The following ROBO2 variants were observed in gnomAD, a reference collection of about 807,000 sequenced individuals.
ROBO2 encodes the protein roundabout homolog 2.
In ROBO2, 53 loss-of-function variants were observed where a neutral mutation model predicts 160.8. The ratio of observed to expected loss-of-function variants is 0.33; its 90% CI spans 0.26 to 0.41. The LOEUF is 0.41. Among genes scored for constraint, ROBO2 ranks in the 10% least tolerant of loss-of-function variants. ROBO2 has a pLI of 1.00. For synonymous variants in ROBO2, 664 were observed against 611.7 expected (o/e 1.09, Z -1.26); for missense variants, 1,577 against 1,722.4 (o/e 0.92, Z 1.49).
intron 2 of ROBO2, among the ~76,000 whole-genome samples, chr3:76,969,877 A>G (rs569219485): frequency 1.3e-4 from 20 of 152,146 alleles, no homozygotes; most frequent in African/African-American, 4.3e-4. Context: ...GAATGTTTTT[A>G]AAGCAGACAA....
intron 2 of ROBO2, among the ~76,000 whole-genome samples, chr3:76,046,308 C>T (rs904946512): frequency 1.3e-5 from 2 of 151,928 alleles, no homozygotes; most frequent in African/African-American, 2.4e-5. Context: ...GCCATCCATT[C>T]TGCCATGTAA....
At chr3:77,380,812 C>T (rs2073352956) in intron 2 of ROBO2, among the ~76,000 whole-genome samples, 1 of 151,766 alleles carries the variant, frequency 6.6e-6, no homozygotes, top group South Asian at 2.1e-4. Context: ...TTATTTCTCT[C>T]CGCTGATTAG....
intron 2 of ROBO2, among the ~76,000 whole-genome samples, chr3:76,928,935 A>G (rs1407005651): frequency 1.3e-5 from 2 of 152,088 alleles, no homozygotes; most frequent in Admixed American, 1.3e-4. Flanking sequence ...GTTGCTCAGT[A>G]CTCACAGATG....
intron 2 of ROBO2, among the ~76,000 whole-genome samples, chr3:77,132,251 T>C (rs190129939): frequency 7.2e-5 from 11 of 152,220 alleles, no homozygotes; most frequent in African/African-American, 2.6e-4. Context: ...GAAGATTTAT[T>C]GTAGTTTTGA....
chr3:77,165,096 A>G (rs1178068477), intron 2 of ROBO2, among the ~76,000 whole-genome samples: 1 of 151,984 alleles, frequency 6.6e-6, no homozygotes, highest in Non-Finnish European at 1.5e-5. Flanking sequence ...CCAGGATGAC[A>G]ATGGCGGTTT....
chr3:77,222,237 T>C (rs984278936), intron 2 of ROBO2, among the ~76,000 whole-genome samples: 29 of 152,186 alleles, frequency 1.9e-4, no homozygotes, highest in African/African-American at 6.8e-4. Context: ...TTTTTAAAAG[T>C]TGAGATATAG....
chr3:76,996,383 C>T (rs2061008156), intron 2 of ROBO2, among the ~76,000 whole-genome samples: 1 of 152,110 alleles, frequency 6.6e-6, no homozygotes, highest in Non-Finnish European at 1.5e-5. Context: ...AGTCAGGTAG[C>T]TTGATGCCTC....
intron 13 of ROBO2, among the ~76,000 whole-genome samples, chr3:77,571,619 T>C (rs540502831): frequency 2.0e-5 from 3 of 152,180 alleles, no homozygotes; most frequent in African/African-American, 7.2e-5. Flanking sequence ...CAACTCTTTT[T>C]TTATTCATGT....
chr3:76,862,081 A>C (rs1022177092), intron 2 of ROBO2, among the ~76,000 whole-genome samples: 1 of 152,128 alleles, frequency 6.6e-6, no homozygotes, highest in Non-Finnish European at 1.5e-5. Context: ...GAAGGAAAGA[A>C]GGAAGGAAGG....
intron 2 of ROBO2, among the ~76,000 whole-genome samples, chr3:76,496,148 A>G (rs1388074804): frequency 6.6e-6 from 1 of 152,188 alleles, no homozygotes; most frequent in Non-Finnish European, 1.5e-5. Flanking sequence ...AGTTAAATAG[A>G]TTCATCTATA....
chr3:76,945,049 C>T (rs913720832), intron 2 of ROBO2, among the ~76,000 whole-genome samples: 27 of 150,530 alleles, frequency 1.8e-4, no homozygotes, highest in African/African-American at 6.1e-4. Flanking sequence ...CCACCACGCC[C>T]GGCTAATTTT....
intron 2 of ROBO2, among the ~76,000 whole-genome samples, chr3:77,363,820 C>G (rs1331722127): frequency 1.3e-5 from 2 of 152,054 alleles, no homozygotes; most frequent in Non-Finnish European, 2.9e-5. Context: ...GAGAGGGATT[C>G]AAGTGTCTAT....
At chr3:76,015,345 A>C (rs2066377593) in intron 2 of ROBO2, among the ~76,000 whole-genome samples, 1 of 152,202 alleles carries the variant, frequency 6.6e-6, no homozygotes, top group African/African-American at 2.4e-5. Flanking sequence ...ACCTAACAAA[A>C]TTGAGAGTTC....
chr3:77,543,735 A>G (rs1456553864), intron 6 of ROBO2, among the ~76,000 whole-genome samples: 1 of 151,896 alleles, frequency 6.6e-6, no homozygotes, highest in Non-Finnish European at 1.5e-5. Flanking sequence ...GTTTATTCTC[A>G]GTTAATATAT....
chr3:76,439,760 A>G (rs1354696337), intron 2 of ROBO2, among the ~76,000 whole-genome samples: 1 of 152,164 alleles, frequency 6.6e-6, no homozygotes, highest in Non-Finnish European at 1.5e-5. Flanking sequence ...TCTGCCTGTC[A>G]ATGCATGATG....
intron 2 of ROBO2, among the ~76,000 whole-genome samples, chr3:76,582,843 T>C (rs2085786430): frequency 6.6e-6 from 1 of 152,094 alleles, no homozygotes; most frequent in Non-Finnish European, 1.5e-5. Context: ...ACTAGCAACT[T>C]TTCCTAACAT....
At chr3:76,364,561 G>T (rs1316431769) in intron 2 of ROBO2, among the ~76,000 whole-genome samples, 1 of 151,752 alleles carries the variant, frequency 6.6e-6, no homozygotes, top group Non-Finnish European at 1.5e-5. Context: ...ACTTAACTTG[G>T]CTGTAATTCA....
At chr3:76,945,403 AG>A (rs1364844853) in intron 2 of ROBO2, among the ~76,000 whole-genome samples, 1 of 152,040 alleles carries the variant, frequency 6.6e-6, no homozygotes, top group African/African-American at 2.4e-5. Context: ...ACTAAAATTT[AG>A]GGCATTTGTT....
At chr3:76,878,530 A>C (rs888651153) in intron 2 of ROBO2, among the ~76,000 whole-genome samples, 2 of 152,224 alleles carry the variant, frequency 1.3e-5, no homozygotes, top group Non-Finnish European at 2.9e-5. Flanking sequence ...TTTTATATTC[A>C]AAAACATCCA....
Sources: gnomAD v4.1 joint callset for allele counts (sites outside exome capture counted in the v4.1 genomes callset) on GRCh38, gnomAD v4.1.1 for gene constraint, MANE v1.5 for transcripts, NCBI Gene and HGNC (gene_info 2026-07-23, HGNC 2026-07-21) for gene names.